KIAA0825: variants seen among roughly 807,000 people sequenced by gnomAD.
The protein encoded by KIAA0825 is uncharacterized protein KIAA0825.
KIAA0825 carries 119 observed loss-of-function variants against 147.6 expected under a neutral mutation model. The ratio of observed to expected loss-of-function variants is 0.81; its 90% confidence interval spans 0.69 to 0.94. The LOEUF (loss-of-function observed/expected upper bound fraction) is 0.94, where lower values mean the gene tolerates loss of function less well. Among genes scored for constraint, KIAA0825 ranks in the 40% least tolerant of loss-of-function variants. The pLI is 0.00. For synonymous variants in KIAA0825, 470 were observed against 518.1 expected (o/e 0.91, Z 1.26); for missense variants, 1,381 against 1,472.7 (o/e 0.94, Z 1.02).
intron 7 of KIAA0825, among the ~76,000 whole-genome samples, chr5:94,473,732 C>G (rs1013796752): frequency 2.0e-5 from 3 of 152,116 alleles, no homozygotes; most frequent in Non-Finnish European, 4.4e-5. Flanking sequence ...AATATACTGA[C>G]ATTTCATTTT....
At chr5:94,580,066 G>T (rs1455042659) in intron 2 of KIAA0825, among the ~76,000 whole-genome samples, 1 of 152,106 alleles carries the variant, frequency 6.6e-6, no homozygotes, top group East Asian at 1.9e-4. Context: ...GTAGAGTTAG[G>T]ACCACAAATG....
chr5:94,180,751 T>C (rs1277713225), intron 20 of KIAA0825, among the ~76,000 whole-genome samples: 2 of 152,190 alleles, frequency 1.3e-5, no homozygotes, highest in East Asian at 3.8e-4. Flanking sequence ...TTCATCTTTC[T>C]TGAAATTAAC....
chr5:94,450,031 G>T (rs1328382253), intron 13 of KIAA0825, among the ~76,000 whole-genome samples: 1 of 152,080 alleles, frequency 6.6e-6, no homozygotes, highest in Non-Finnish European at 1.5e-5. Context: ...AGTGATCCAA[G>T]ATCGTGCCAT....
intron 2 of KIAA0825, among the ~76,000 whole-genome samples, chr5:94,572,670 T>C (rs1413340650): frequency 6.6e-6 from 1 of 152,172 alleles, no homozygotes; most frequent in Non-Finnish European, 1.5e-5. Context: ...TGTAGAACTA[T>C]ATATACAGCA....
At chr5:94,402,954 A>G (rs961581387) in intron 16 of KIAA0825, among the ~76,000 whole-genome samples, 2 of 152,110 alleles carry the variant, frequency 1.3e-5, no homozygotes, top group African/African-American at 4.8e-5. Flanking sequence ...GACTTGACTA[A>G]TAAAATAAAC....
intron 20 of KIAA0825, among the ~76,000 whole-genome samples, chr5:94,284,294 A>G (rs1412690961): frequency 6.6e-6 from 1 of 152,046 alleles, no homozygotes; most frequent in Admixed American, 6.6e-5. Flanking sequence ...TATGTTATGA[A>G]TGTATATGAA....
At chr5:94,189,460 A>G (rs1372779044) in intron 20 of KIAA0825, among the ~76,000 whole-genome samples, 2 of 152,184 alleles carry the variant, frequency 1.3e-5, no homozygotes, top group Non-Finnish European at 2.9e-5. Flanking sequence ...GCTGTGAAAT[A>G]AGGATAAAAG....
intron 11 of KIAA0825, among the ~76,000 whole-genome samples, chr5:94,463,565 A>G (rs1760101984): frequency 6.6e-6 from 1 of 151,420 alleles, no homozygotes; most frequent in South Asian, 2.1e-4. Flanking sequence ...TCCAATATAT[A>G]TGGAGAGACA....
chr5:94,402,003 G>A (rs534766362), intron 16 of KIAA0825, among the ~76,000 whole-genome samples: 18 of 152,074 alleles, frequency 1.2e-4, no homozygotes, highest in Non-Finnish European at 1.0e-4. Context: ...AATGGCATTC[G>A]CCTATTGTCA....
At chr5:94,453,528 G>A (rs1283274856) in intron 12 of KIAA0825, among the ~76,000 whole-genome samples, 1 of 151,910 alleles carries the variant, frequency 6.6e-6, no homozygotes, top group Non-Finnish European at 1.5e-5. Flanking sequence ...TGCTAGAATG[G>A]ACAATGCCGC....
chr5:94,531,048 C>T (rs896371541), intron 3 of KIAA0825, among the ~76,000 whole-genome samples: 1 of 152,098 alleles, frequency 6.6e-6, no homozygotes, highest in Admixed American at 6.5e-5. Context: ...TATCCCCAAA[C>T]AACAATTCTC....
chr5:94,445,982 A>G (rs923240733), intron 13 of KIAA0825, among the ~76,000 whole-genome samples: 3 of 152,146 alleles, frequency 2.0e-5, no homozygotes, highest in African/African-American at 7.2e-5. Context: ...AGTCCCGCAG[A>G]GCAGTTTTTC....
At chr5:94,348,079 A>C (rs1433980016) in intron 20 of KIAA0825, among the ~76,000 whole-genome samples, 8 of 152,178 alleles carry the variant, frequency 5.3e-5, no homozygotes, top group Admixed American at 5.2e-4. Flanking sequence ...AAATTAACCC[A>C]ATCCAACAAA....
chr5:94,609,077 C>T (rs1348573525), intron 1 of KIAA0825, among the ~76,000 whole-genome samples: 1 of 152,134 alleles, frequency 6.6e-6, no homozygotes, highest in Non-Finnish European at 1.5e-5. Flanking sequence ...TACACTGCAA[C>T]TAAATTTTAA....
At chr5:94,578,840 G>T (rs1781539698) in intron 2 of KIAA0825, among the ~76,000 whole-genome samples, 1 of 152,100 alleles carries the variant, frequency 6.6e-6, no homozygotes, top group South Asian at 2.1e-4. Context: ...CAAGTTCCTG[G>T]GTGATGGTAA....
chr5:94,512,122 A>G (rs1299747720), intron 5 of KIAA0825, among the ~76,000 whole-genome samples: 5 of 152,170 alleles, frequency 3.3e-5, no homozygotes, highest in African/African-American at 4.8e-5. Flanking sequence ...ATCTTCAAAG[A>G]TGATTTTCAC....
At chr5:94,516,523 G>C (rs1266420729) in intron 5 of KIAA0825, among the ~76,000 whole-genome samples, 1 of 152,158 alleles carries the variant, frequency 6.6e-6, no homozygotes, top group African/African-American at 2.4e-5. Context: ...GAAAACGTGG[G>C]CCGGGCGCGG....
Position 94,484,958 on chromosome 5 carries a change from A to G in KIAA0825, c.971-28T>C, listed in dbSNP as rs781530049. The stretch of plus-strand genomic sequence containing the variant: ...GTGAAAAGAAAAGATCAATACTGTC[A>G]TACATTTTATTTACCTTCTTAGTAA... On this transcript the variant is annotated intron_variant, in intron 5 of 20. Transcript: ENST00000682413. The G allele has an allele frequency of 2.9e-6, 4 of 1,381,398 alleles. No individual in the cohort carries two copies. In the African/African-American group the frequency reaches 4.4e-5, roughly 15 times the overall value. The allele number at this position is 1,381,398 out of a possible 1,614,324, so 85.6% of individuals were successfully genotyped here.
At chr5:94,360,666 T>G (rs1218872198) in intron 20 of KIAA0825, among the ~76,000 whole-genome samples, 1 of 152,180 alleles carries the variant, frequency 6.6e-6, no homozygotes, top group Non-Finnish European at 1.5e-5. Flanking sequence ...GTACAGAAGT[T>G]ACCCTATATG....
Sources: allele counts gnomAD v4.1 joint callset (sites outside exome capture counted in the v4.1 genomes callset), GRCh38; gene constraint gnomAD v4.1.1; transcripts MANE v1.5; gene names NCBI Gene and HGNC (gene_info 2026-07-23, HGNC 2026-07-21).